DAP: variants seen among roughly 807,000 people sequenced by gnomAD.
The protein encoded by DAP is death-associated protein 1.
Under a neutral mutation model 13.8 loss-of-function variants are expected in DAP, and 8 were observed. The ratio of observed to expected loss-of-function variants is 0.58; its 90% CI spans 0.34 to 1.05. The LOEUF (loss-of-function observed/expected upper bound fraction) is 1.05. Among genes scored for constraint, DAP ranks in the 50% least tolerant of loss-of-function variants. The pLI is 0.03. For missense variants in DAP, 106 were observed against 133.2 expected (o/e 0.80, Z 1.01); for synonymous variants, 47 against 47.5 (o/e 0.99, Z 0.04).
rs1447995735 is a variant in DAP at position 10,681,107 on chromosome 5, C to T, written c.258G>A (p.Met86Ile). Residue 86 changes from methionine (M) to isoleucine (I), a missense_variant, in exon 4 of 4, where the codon ATG becomes ATA. Transcript: ENST00000230895. ...QVAHQKPHAS[M>I]DKHPSPRTQH... ...GGGTTCTTGGGGAAGGATGCTTGTC[C>T]ATGGAGGCATGCGGCTTCTGGTGAG... 8 of 1,580,866 alleles carry T rather than the reference C, an allele frequency of 5.1e-6. No homozygotes were observed. The highest frequency in any genetic ancestry group is 6.9e-6 in the Non-Finnish European group (8 of 1,163,546).
Position 10,738,822 on chromosome 5 carries a change from A to G in DAP, c.152+9353T>C, listed in dbSNP as rs1579815085. 2.0e-5 allele frequency among the ~76,000 whole-genome samples: 3 copies of G among 152,210 alleles called. No individual in the cohort carries two copies. In the East Asian group the frequency reaches 5.8e-4, roughly 29 times the overall value. Reference sequence around the variant, plus strand: ...TACTTGCTTTTAGTAAACACACACTAAAGCATTCCAGAGTAAAAGAGCTCT... The same window carrying G: ...TACTTGCTTTTAGTAAACACACACTGAAGCATTCCAGAGTAAAAGAGCTCT... On this transcript the variant is annotated intron_variant, in intron 2 of 3. Coordinates refer to ENST00000230895, the MANE Select transcript of DAP (RefSeq NM_004394.3).
At position 10,761,071 on chromosome 5, in the gene DAP, CG is replaced by C. The variant is rs773244654; in HGVS notation, c.-4del. 17 of 1,213,058 alleles carry C rather than the reference CG, an allele frequency of 1.4e-5. No homozygotes were observed. The Admixed American group carries it at 7.0e-4, about 50-fold the overall frequency. The allele number at this position is 1,213,058 out of a possible 1,614,324, so 75.1% of individuals were successfully genotyped here. A position where few individuals can be genotyped will look rare whatever the true frequency, so the allele number is the denominator to read the frequency against. On this transcript the variant is annotated 5_prime_UTR_variant, in exon 1 of 4. Transcript: ENST00000230895. ...TTCCCTTCGGGAGGCGAAGACATGA[CG>C]CGGCGGGGCTTCCGCGGGGCCGAGG...
chr5:10,744,380 T>G (rs946955179), intron 2 of DAP, among the ~76,000 whole-genome samples: 1 of 152,234 alleles, frequency 6.6e-6, no homozygotes, highest in African/African-American at 2.4e-5. Context: ...TTATACATTC[T>G]GCAAGTAAGT....
chr5:10,686,822 C>A (rs1195532518), intron 2 of DAP, among the ~76,000 whole-genome samples: 1 of 152,188 alleles, frequency 6.6e-6, no homozygotes, highest in African/African-American at 2.4e-5. Context: ...AAAGTGGCCA[C>A]ACTAAACAAC....
At chr5:10,715,407 A>G (rs1458455034) in intron 2 of DAP, among the ~76,000 whole-genome samples, 2 of 152,094 alleles carry the variant, frequency 1.3e-5, no homozygotes, top group East Asian at 3.9e-4. Context: ...CCAGTTCTAA[A>G]CAGTGCCTGG....
chr5:10,730,379 A>T (rs2126665804), intron 2 of DAP, among the ~76,000 whole-genome samples: 1 of 152,356 alleles, frequency 6.6e-6, no homozygotes, highest in South Asian at 2.1e-4. Context: ...GTCCTATACA[A>T]ATCTACTACA....
At position 10,741,827 on chromosome 5, in the gene DAP, T is replaced by C. The variant is rs147770801; in HGVS notation, c.152+6348A>G. On this transcript the variant is annotated intron_variant, in intron 2 of 3. Transcript: ENST00000230895. The stretch of plus-strand genomic sequence containing the variant: ...GTAGTATTTTTTGTGACAATCAACC[T>C]GCATTTTCCCAGCTGAGGCTGAAGG... 4.5e-3 allele frequency among the ~76,000 whole-genome samples: 691 copies of C among 152,368 alleles called. 4 individuals carry two copies. Among genetic ancestry groups the C allele is most frequent in the African/African-American group, 0.015 (634 of 41,592 alleles).
chr5:10,752,273 G>A (rs981603542), intron 1 of DAP, among the ~76,000 whole-genome samples: 1 of 152,198 alleles, frequency 6.6e-6, no homozygotes, highest in African/African-American at 2.4e-5. Context: ...GGTGATTAAT[G>A]TAGCAATAAA....
At chr5:10,709,374 TG>T (rs1270747760) in intron 2 of DAP, among the ~76,000 whole-genome samples, 2 of 152,180 alleles carry the variant, frequency 1.3e-5, no homozygotes, top group African/African-American at 2.4e-5. Context: ...GACTACTGCA[TG>T]GTGTGGTGTG....
chr5:10,734,129 T>C (rs1428607758), intron 2 of DAP: 2 of 152,242 alleles, frequency 1.3e-5, no homozygotes, highest in African/African-American at 4.8e-5. Flanking sequence ...TCCAAGAGGA[T>C]GACTGCAGTG....
chr5:10,691,659 CAG>C (rs770302259), intron 2 of DAP, among the ~76,000 whole-genome samples: 4 of 152,314 alleles, frequency 2.6e-5, no homozygotes, highest in East Asian at 1.9e-4. Context: ...TCTCAGGAAA[CAG>C]AGAGTGAAAA....
chr5:10,705,714 A>G (rs934713334), intron 2 of DAP, among the ~76,000 whole-genome samples: 5 of 152,134 alleles, frequency 3.3e-5, no homozygotes, highest in Non-Finnish European at 7.4e-5. Flanking sequence ...ATCATCTTTC[A>G]TGGGGAGAGA....
At position 10,714,653 on chromosome 5, in the gene DAP, T is replaced by C. The variant is rs1738934662; in HGVS notation, c.153-31082A>G. On this transcript the variant is annotated intron_variant, in intron 2 of 3. Coordinates refer to ENST00000230895, the MANE Select transcript of DAP (RefSeq NM_004394.3). The stretch of plus-strand genomic sequence containing the variant: ...GGGATCTGTGTCCCACCAATTCTCA[T>C]GGTGGAATCATAATCCCTAATGTTG... Among the ~76,000 whole-genome samples the C allele has an allele frequency of 2.6e-5, 4 of 152,058 alleles. No homozygotes were observed. In the South Asian group the frequency reaches 8.3e-4, roughly 31 times the overall value.
At chr5:10,696,930 G>T (rs1738451587) in intron 2 of DAP, among the ~76,000 whole-genome samples, 1 of 152,134 alleles carries the variant, frequency 6.6e-6, no homozygotes, top group Non-Finnish European at 1.5e-5. Flanking sequence ...CCAGCAGCCT[G>T]AACAATTCAA....
intron 2 of DAP, among the ~76,000 whole-genome samples, chr5:10,694,359 CCTT>C (rs1037482001): frequency 6.6e-6 from 1 of 151,452 alleles, no homozygotes; most frequent in African/African-American, 2.4e-5. Context: ...ACAGACCCTA[CCTT>C]CTTAGGTGAC....
At chr5:10,687,900 G>GTTGTC (rs1479300543) in intron 2 of DAP, among the ~76,000 whole-genome samples, 1 of 132,246 alleles carries the variant, frequency 7.6e-6, no homozygotes, top group Non-Finnish European at 1.6e-5. Flanking sequence ...AAACTTCATT[G>GTTGTC]TTGTCTTTTT....
chr5:10,760,130 T>G (rs1442913449), intron 1 of DAP, among the ~76,000 whole-genome samples: 1 of 152,228 alleles, frequency 6.6e-6, no homozygotes, highest in African/African-American at 2.4e-5. Flanking sequence ...CTTCTGTTCC[T>G]ACAAGACTGA....
At chr5:10,714,733 G>A (rs1045061610) in intron 2 of DAP, among the ~76,000 whole-genome samples, 3 of 152,158 alleles carry the variant, frequency 2.0e-5, no homozygotes, top group African/African-American at 4.8e-5. Flanking sequence ...TCTCATGAAC[G>A]GTTTAGTACC....
At chr5:10,739,590 GCACACACA>G (rs938869987) in intron 2 of DAP, among the ~76,000 whole-genome samples, 16 of 152,230 alleles carry the variant, frequency 1.1e-4, no homozygotes, top group African/African-American at 3.6e-4. Context: ...ACAAGGCTCA[GCACACACA>G]CAGAGCCTGC....
Sources: allele counts gnomAD v4.1 joint callset (sites outside exome capture counted in the v4.1 genomes callset), GRCh38; gene constraint gnomAD v4.1.1; transcripts MANE v1.5; gene names NCBI Gene and HGNC (gene_info 2026-07-23, HGNC 2026-07-21).